Variants in NSMAF observed in about 807,000 individuals in gnomAD.
NSMAF encodes neutral sphingomyelinase activation associated factor, also known as protein FAN.
NSMAF carries 90 observed loss-of-function variants against 134.9 expected under a neutral mutation model. That is an observed-to-expected ratio of 0.67 (90% CI 0.56 to 0.79). The LOEUF (loss-of-function observed/expected upper bound fraction) is 0.79. Among genes scored for constraint, NSMAF ranks in the 30% least tolerant of loss-of-function variants. The pLI, the probability that NSMAF is intolerant of heterozygous loss-of-function variation, is 0.00. For missense variants in NSMAF, 1,010 were observed against 1,119.0 expected (o/e 0.90, Z 1.39); for synonymous variants, 358 against 389.6 (o/e 0.92, Z 0.96).
chr8:58,601,075 AG>A lies in NSMAF; in HGVS notation c.1280+209del, dbSNP rs1806267541. On this transcript the variant is annotated intron_variant, in intron 16 of 30. Coordinates refer to ENST00000038176, the MANE Select transcript of NSMAF (RefSeq NM_003580.4). ...TTAAGATTTAATATTAGGCTACAAA[AG>A]GTAGGACAAAAAGCTGTACATAAAA... 1.2e-5 allele frequency: 5 copies of A among 433,680 alleles called. No homozygotes were observed. In the East Asian group the frequency reaches 1.8e-4, roughly 16 times the overall value. The allele number at this position is 433,680 out of a possible 1,614,324, so 26.9% of individuals were successfully genotyped here. A position where few individuals can be genotyped will look rare whatever the true frequency, so the allele number is the denominator to read the frequency against.
Position 58,593,159 on chromosome 8 carries a change from A to G in NSMAF, c.1951+1073T>C, listed in dbSNP as rs961691912. Among the ~76,000 whole-genome samples, 3 of 152,240 alleles carry G rather than the reference A, an allele frequency of 2.0e-5. No homozygotes were observed. In the South Asian group the frequency reaches 6.2e-4, roughly 31 times the overall value. On this transcript the variant is annotated intron_variant, in intron 23 of 30. Transcript: ENST00000038176. ...ATAATTTTTGGCAAACTCCACAGGT[A>G]GAAATCCTGGCAAAATACAGATTGC...
chr8:58,600,442 G>A (rs556214735), intron 16 of NSMAF, among the ~76,000 whole-genome samples: 80 of 152,058 alleles, frequency 5.3e-4, no homozygotes, highest in African/African-American at 1.8e-3. Flanking sequence ...GGCCAACATG[G>A]TGAAACCTCA....
Position 58,659,235 on chromosome 8 carries a change from G to A in NSMAF, c.59+338C>T, listed in dbSNP as rs1243048927. On this transcript the variant is annotated intron_variant, in intron 1 of 30. Coordinates refer to ENST00000038176, the MANE Select transcript of NSMAF (RefSeq NM_003580.4). ...CCCGGGCTCGCGTGCCGGGATCCAC[G>A]CCCGGACCCCGCGCGGCCTTCCGGG... 26 of 1,495,822 alleles carry A rather than the reference G, an allele frequency of 1.7e-5. No individual in the cohort carries two copies. The East Asian group carries it at 5.0e-4, about 29-fold the overall frequency. 92.7% of individuals were successfully genotyped at this position (1,495,822 alleles called of 1,614,324 possible). A position where few individuals can be genotyped will look rare whatever the true frequency, so the allele number is the denominator to read the frequency against.
At chr8:58,592,774 C>T (rs1057480117) in intron 23 of NSMAF, among the ~76,000 whole-genome samples, 2 of 152,060 alleles carry the variant, frequency 1.3e-5, no homozygotes, top group African/African-American at 4.8e-5. Context: ...GTGAACCCAG[C>T]TACTCAGGAG....
At chr8:58,624,035 ATTT>A (rs11431046) in intron 6 of NSMAF, among the ~76,000 whole-genome samples, 145 of 99,082 alleles carry the variant, frequency 1.5e-3, no homozygotes, top group Middle Eastern at 6.9e-3. Context: ...TAGAGTTAGG[ATTT>A]TTTTTTTTTT....
rs1234135861 is a variant in NSMAF, at chr8:58,584,159, T to TA, written c.2700dup (p.Ile901TyrfsTer27). 3.1e-6 allele frequency: 5 copies of TA among 1,613,846 alleles called. No homozygotes were observed. Among genetic ancestry groups the TA allele is most frequent in the Non-Finnish European group, 3.4e-6 (4 of 1,179,756 alleles). On this transcript the variant is annotated frameshift_variant, in exon 31 of 31. Transcript: ENST00000038176. LOFTEE classifies it high-confidence loss of function. ...TGTCTGTCTTCCCCTCCTGTGATGATACTGCTACACTGTTCATTCATCCAT... is the reference window on the plus strand; with the variant it reads ...TGTCTGTCTTCCCCTCCTGTGATGATAACTGCTACACTGTTCATTCATCCAT...
chr8:58,632,840 C>G (rs925577569), intron 5 of NSMAF, among the ~76,000 whole-genome samples: 1 of 152,186 alleles, frequency 6.6e-6, no homozygotes, highest in Non-Finnish European at 1.5e-5. Flanking sequence ...TGCTCCTTCC[C>G]AACTCTCTTT....
intron 14 of NSMAF, 94 bp from the exon 15 acceptor site, chr8:58,601,629 GA>G (rs1433875851): frequency 7.0e-7 from 1 of 1,429,322 alleles, no homozygotes; most frequent in Non-Finnish European, 9.3e-7. Context: ...TCATAACATA[GA>G]TATACCATAT....
chr8:58,599,603 A>C (rs1806226896), intron 18 of NSMAF, 147 bp downstream of exon 18: 1 of 938,012 alleles, frequency 1.1e-6, no homozygotes, highest in African/African-American at 1.7e-5. Flanking sequence ...GACTCATAGA[A>C]TACTTCTGAT....
intron 5 of NSMAF, among the ~76,000 whole-genome samples, chr8:58,633,559 C>A (rs1266788374): frequency 6.6e-6 from 1 of 152,210 alleles, no homozygotes; most frequent in East Asian, 1.9e-4. Flanking sequence ...GTCTCCCCCA[C>A]TGAAAAGTAA....
intron 5 of NSMAF, among the ~76,000 whole-genome samples, chr8:58,631,907 T>C (rs931134632): frequency 7.9e-5 from 12 of 152,268 alleles, no homozygotes; most frequent in Admixed American, 7.2e-4. Context: ...GTTACTGTGG[T>C]AGGAAATATG....
At chr8:58,648,835 A>G (rs954153587) in intron 1 of NSMAF, among the ~76,000 whole-genome samples, 2 of 152,248 alleles carry the variant, frequency 1.3e-5, no homozygotes, top group African/African-American at 2.4e-5. Context: ...AGGATGTGTG[A>G]AAAGGCCTGG....
At chr8:58,659,290 C>T (rs2129149592) in intron 1 of NSMAF, 7 of 1,523,632 alleles carry the variant, frequency 4.6e-6, no homozygotes, top group African/African-American at 1.4e-5. Context: ...GGGACCTGCA[C>T]TGCCGGATAG....
chr8:58,609,663 G>A lies in NSMAF; in HGVS notation c.628C>T (p.Pro210Ser). The change falls in exon 10 of 31, where the codon CCT (proline) becomes TCT (serine). Residue 210 changes from proline to serine, a missense_variant. Pro to Ser is a moderately conservative substitution (Grantham distance 74). Coordinates refer to ENST00000038176, the MANE Select transcript of NSMAF (RefSeq NM_003580.4). ...GTGTCCGTGATGCACACGTGTCCAG[G>A]ATTAGTCACCAGAGGCGTCACCATT... ...AEMVTPLVTNPGHVCITDTNL... is the reference protein window; with the variant it reads ...AEMVTPLVTNSGHVCITDTNL... 1.2e-6 allele frequency: 2 copies of A among 1,614,170 alleles called. No homozygotes were observed. The highest frequency in any genetic ancestry group is 1.7e-6 in the Non-Finnish European group (2 of 1,179,986).
At chr8:58,586,134 G>C in intron 28 of NSMAF, 134 bp from the exon 29 acceptor site, 1 of 745,702 alleles carries the variant, frequency 1.3e-6, no homozygotes, top group South Asian at 1.5e-5. Flanking sequence ...CTTAAGCAAT[G>C]ACTATCCTCT....
At chr8:58,594,338 A>C (rs1806085436) in intron 22 of NSMAF, 48 bp from the exon 23 acceptor site, 2 of 1,503,852 alleles carry the variant, frequency 1.3e-6, no homozygotes, top group South Asian at 2.3e-5. Context: ...ATGTGTTAGG[A>C]TACCCTCTTT....
chr8:58,629,640 CAAA>C (rs869069554), intron 6 of NSMAF, among the ~76,000 whole-genome samples: 1 of 122,144 alleles, frequency 8.2e-6, no homozygotes, highest in Non-Finnish European at 1.8e-5. Context: ...ACAACAACAA[CAAA>C]AACAATTACC....
At chr8:58,589,021 T>C (rs1805959834) in intron 26 of NSMAF, among the ~76,000 whole-genome samples, 2 of 151,500 alleles carry the variant, frequency 1.3e-5, no homozygotes, top group Admixed American at 6.6e-5. Context: ...AGCAAGACAC[T>C]GTCTCTAAAA....
chr8:58,599,167 A>G, intron 19 of NSMAF, 65 bp downstream of exon 19: 4 of 1,465,124 alleles, frequency 2.7e-6, no homozygotes, highest in Non-Finnish European at 3.7e-6. Context: ...TTCATTTTCC[A>G]ATGAAAATGA....
Sources: gnomAD v4.1 joint callset for allele counts (sites outside exome capture counted in the v4.1 genomes callset) on GRCh38, gnomAD v4.1.1 for gene constraint, MANE v1.5 for transcripts, NCBI Gene and HGNC (gene_info 2026-07-23, HGNC 2026-07-21) for gene names.